The following RPS6KC1 variants were observed in gnomAD, a reference collection of about 807,000 sequenced individuals.
RPS6KC1 encodes the protein inactive ribosomal protein S6 kinase delta-1.
In RPS6KC1, 54 loss-of-function variants were observed where a neutral mutation model predicts 103.8. The ratio of observed to expected loss-of-function variants is 0.52; its 90% CI spans 0.42 to 0.65. The LOEUF (loss-of-function observed/expected upper bound fraction) is 0.65. RPS6KC1 is among the 30% of genes least tolerant of loss of function. The probability of loss-of-function intolerance (pLI) is 0.00; values close to 1 mark genes in which losing one functional copy is unlikely to be tolerated. For missense variants in RPS6KC1, 1,151 were observed against 1,253.8 expected, an observed-to-expected ratio of 0.92 and a Z score of 1.24; for synonymous variants, 439 against 438.7, an observed-to-expected ratio of 1.00 and a Z score of -0.01.
At chr1:213,564,119 T>G in the RPS6KC1 span, among the ~76,000 whole-genome samples, 21 of 152,168 alleles carry the variant, frequency 1.4e-4, no homozygotes, top group Admixed American at 6.5e-5. Flanking sequence ...ACCTATATGT[T>G]GCATATTTTC....
At chr1:213,693,930 G>C in the RPS6KC1 span, among the ~76,000 whole-genome samples, 4 of 152,168 alleles carry the variant, frequency 2.6e-5, no homozygotes, top group African/African-American at 9.7e-5. Context: ...TCCTGCCCCC[G>C]ATCTGGCCTC....
chr1:213,471,922 G>A, the RPS6KC1 span, among the ~76,000 whole-genome samples: 4 of 152,090 alleles, frequency 2.6e-5, no homozygotes, highest in Non-Finnish European at 5.9e-5. Context: ...CTGAAAAGAG[G>A]GTTTCCAAGA....
chr1:213,068,871 ATATGTGTGTGTGTG>A (rs1218038264), intron 1 of RPS6KC1, among the ~76,000 whole-genome samples: 2 of 93,738 alleles, frequency 2.1e-5, no homozygotes, highest in African/African-American at 8.1e-5. Flanking sequence ...AAAAGTGTAT[ATATGTGTGTGTGTG>A]TGTGTGTGTG....
At chr1:213,160,132 A>C (rs546378931) in intron 6 of RPS6KC1, among the ~76,000 whole-genome samples, 12 of 152,216 alleles carry the variant, frequency 7.9e-5, no homozygotes, top group Non-Finnish European at 1.6e-4. Context: ...GAAGTATTAA[A>C]ACTGTAAATC....
At chr1:213,531,578 G>T in the RPS6KC1 span, among the ~76,000 whole-genome samples, 2 of 152,226 alleles carry the variant, frequency 1.3e-5, no homozygotes, top group Non-Finnish European at 2.9e-5. Flanking sequence ...CTGCCTGACT[G>T]GGAGCTAATC....
At chr1:213,404,224 C>T in the RPS6KC1 span, among the ~76,000 whole-genome samples, 4 of 152,144 alleles carry the variant, frequency 2.6e-5, no homozygotes, top group Non-Finnish European at 5.9e-5. Flanking sequence ...CTGCCTTCGG[C>T]GGGGGTTTAC....
the RPS6KC1 span, among the ~76,000 whole-genome samples, chr1:213,317,655 A>T: frequency 2.5e-3 from 382 of 152,322 alleles, 2 homozygotes; most frequent in Middle Eastern, 0.02. Context: ...GTGCCATATT[A>T]AATAAGTTCA....
the RPS6KC1 span, among the ~76,000 whole-genome samples, chr1:213,815,724 CA>C: frequency 5.9e-5 from 9 of 152,194 alleles, no homozygotes; most frequent in Admixed American, 5.9e-4. Flanking sequence ...TCGCTATTAG[CA>C]AAAGGCTGTT....
chr1:213,667,874 G>A, the RPS6KC1 span, among the ~76,000 whole-genome samples: 1,624 of 152,186 alleles, frequency 0.011, 39 homozygotes, highest in East Asian at 0.094. Context: ...AAGAAACCAC[G>A]TTCTTTACTC....
intron 6 of RPS6KC1, among the ~76,000 whole-genome samples, chr1:213,158,019 A>AT (rs1491016617): frequency 6.6e-6 from 1 of 151,818 alleles, no homozygotes; most frequent in African/African-American, 2.4e-5. Flanking sequence ...GTATGTTTCC[A>AT]TTTTTTTATT....
At position 213,070,022 on chromosome 1, in the gene RPS6KC1, T is replaced by C. The variant is rs141386545; in HGVS notation, c.106-984T>C. Among the ~76,000 whole-genome samples, 540 of 152,352 alleles carry C rather than the reference T, an allele frequency of 3.5e-3. 2 individuals carry two copies. The highest frequency in any genetic ancestry group is 0.012 in the African/African-American group (503 of 41,592). On this transcript the variant is annotated intron_variant, in intron 1 of 14. Coordinates refer to ENST00000366960, the MANE Select transcript of RPS6KC1 (RefSeq NM_012424.6). ...CTTTTCCTCTTTGCTTAGGGAGTAT[T>C]GATAGAAGGATTATTTGTCCCTGAA...
intron 8 of RPS6KC1, among the ~76,000 whole-genome samples, chr1:213,194,411 T>C (rs1442959436): frequency 6.6e-6 from 1 of 152,224 alleles, no homozygotes; most frequent in Non-Finnish European, 1.5e-5. Flanking sequence ...TTAGTGAATG[T>C]GATTTTTCTC....
chr1:213,680,851 C>T, the RPS6KC1 span, among the ~76,000 whole-genome samples: 5 of 152,190 alleles, frequency 3.3e-5, no homozygotes, highest in Admixed American at 6.5e-5. Context: ...TTGTCAACTT[C>T]CTCTGTGACT....
the RPS6KC1 span, among the ~76,000 whole-genome samples, chr1:213,478,838 A>G: frequency 6.6e-6 from 1 of 152,070 alleles, no homozygotes; most frequent in African/African-American, 2.4e-5. Flanking sequence ...ATGAAGTTTA[A>G]ATCCCCTATA....
intron 8 of RPS6KC1, 85 bp downstream of exon 8, chr1:213,176,577 A>G: frequency 1.1e-6 from 1 of 882,274 alleles, no homozygotes; most frequent in Non-Finnish European, 1.8e-6. Context: ...GATCTTAAGG[A>G]TATGAAACAA....
chr1:213,287,695 C>G, the RPS6KC1 span, among the ~76,000 whole-genome samples: 1 of 152,170 alleles, frequency 6.6e-6, no homozygotes, highest in Non-Finnish European at 1.5e-5. Context: ...TTCTCTTGCT[C>G]ATTTTAGCAT....
At chr1:213,527,241 T>C in the RPS6KC1 span, among the ~76,000 whole-genome samples, 2 of 152,222 alleles carry the variant, frequency 1.3e-5, no homozygotes, top group South Asian at 2.1e-4. Flanking sequence ...AGGAGATGGG[T>C]CAGGCACTGC....
chr1:213,132,963 T>C (rs2085815256), intron 6 of RPS6KC1, among the ~76,000 whole-genome samples: 1 of 152,206 alleles, frequency 6.6e-6, no homozygotes, highest in African/African-American at 2.4e-5. Flanking sequence ...ATTTAACTGG[T>C]ATTTGCACAG....
chr1:213,531,170 G>T, the RPS6KC1 span, among the ~76,000 whole-genome samples: 1 of 152,084 alleles, frequency 6.6e-6, no homozygotes, highest in Non-Finnish European at 1.5e-5. Flanking sequence ...AGGGAACCCC[G>T]GTTCCCTCCT....
Sources: gnomAD v4.1 joint callset for allele counts (sites outside exome capture counted in the v4.1 genomes callset) on GRCh38, gnomAD v4.1.1 for gene constraint, MANE v1.5 for transcripts, NCBI Gene and HGNC (gene_info 2026-07-23, HGNC 2026-07-21) for gene names.